ZNF516: variants seen among roughly 807,000 people sequenced by gnomAD.
The protein encoded by ZNF516 is zinc finger protein 516.
ZNF516 carries 19 observed loss-of-function variants against 79.7 expected under a neutral mutation model. The ratio of observed to expected loss-of-function variants is 0.24; its 90% CI spans 0.17 to 0.35. ZNF516 has a LOEUF of 0.35. Among genes scored for constraint, ZNF516 ranks in the 10% least tolerant of loss-of-function variants. The probability of loss-of-function intolerance (pLI) is 1.00; values close to 1 mark genes in which losing one functional copy is unlikely to be tolerated. For missense variants in ZNF516, 1,678 were observed against 1,679.5 expected (o/e 1.00, Z 0.02); for synonymous variants, 877 against 739.5 (o/e 1.19, Z -3.02).
intron 2 of ZNF516, among the ~76,000 whole-genome samples, chr18:76,452,054 C>A (rs192946161): frequency 6.6e-6 from 1 of 152,274 alleles, no homozygotes; most frequent in Admixed American, 6.5e-5. Flanking sequence ...CATTTCCACT[C>A]TAAGAAGAAG....
rs563651515 is a variant in ZNF516, at chr18:76,467,043, C to A, written c.-271-3902G>T. On this transcript the variant is annotated intron_variant, in intron 1 of 6. Coordinates refer to ENST00000443185, the MANE Select transcript of ZNF516 (RefSeq NM_014643.4). The surrounding 1 kb of genome is among the most constrained non-coding windows in gnomAD (Gnocchi z 4.2). ...GAGGCAAAACCCAGGAGACGCTGGCCTCTGGGAAGTAAAATCAGGCAGAGG... is the reference window on the plus strand; with the variant it reads ...GAGGCAAAACCCAGGAGACGCTGGCATCTGGGAAGTAAAATCAGGCAGAGG... 1.9e-4 allele frequency among the ~76,000 whole-genome samples: 29 copies of A among 152,258 alleles called. No individual in the cohort carries two copies. Among genetic ancestry groups the A allele is most frequent in the African/African-American group, 6.5e-4 (27 of 41,554 alleles).
intron 3 of ZNF516, 137 bp downstream of exon 3, chr18:76,441,108 G>T: frequency 7.7e-7 from 1 of 1,294,148 alleles, no homozygotes; most frequent in Non-Finnish European, 1.0e-6. Context: ...GGTTACCTGA[G>T]CATAGGCCTA....
rs1425951944 is a variant in ZNF516 at position 76,357,968 on chromosome 18, T to C, written c.*4530A>G. On this transcript the variant is annotated 3_prime_UTR_variant, in exon 7 of 7. Coordinates refer to ENST00000443185, the MANE Select transcript of ZNF516 (RefSeq NM_014643.4). The stretch of plus-strand genomic sequence containing the variant: ...ACAGCGTCTCCATTAAAAAACTGTA[T>C]GTCCTCGAGTCCACAAAAGAGTTGG... 6.6e-6 allele frequency among the ~76,000 whole-genome samples: 1 copy of C among 152,198 alleles called. No homozygotes were observed. The highest frequency in any genetic ancestry group is 6.5e-5 in the Admixed American group (1 of 15,278).
In ZNF516 at chr18:76,441,557, G is replaced by A. The variant is rs900735497; in HGVS notation, c.1498C>T (p.Arg500Cys). ...GTGGCTGCGGCCCTGCGGTTGGGGC[G>A]CGCGGCCGAGCGGGGATCGAGGTGG... The part of the protein sequence containing the change: ...AGHLDPRSAA[R>C]PNRRAAATTG... The change falls in exon 3 of 7, where the codon CGC becomes TGC. Residue 500 changes from arginine (R) to cysteine (C), a missense_variant. Around this residue, in one of 5 missense-constraint regions of ZNF516, gnomAD observed 1,294 missense variants for 1,248.3 expected, o/e 1.04. Transcript: ENST00000443185. 1.3e-5 allele frequency: 20 copies of A among 1,517,648 alleles called. No individual in the cohort carries two copies. The highest frequency in any genetic ancestry group is 2.2e-5 in the Admixed American group (1 of 45,920). The allele number at this position is 1,517,648 out of a possible 1,614,324, so 94.0% of individuals were successfully genotyped here.
chr18:76,405,531 G>A (rs2145255183), intron 3 of ZNF516, among the ~76,000 whole-genome samples: 2 of 152,208 alleles, frequency 1.3e-5, no homozygotes, highest in South Asian at 4.1e-4. Flanking sequence ...GGGCGGCGTG[G>A]AGCTTGAAGG....
chr18:76,478,435 A>G (rs908890084), intron 1 of ZNF516, among the ~76,000 whole-genome samples: 2 of 151,984 alleles, frequency 1.3e-5, no homozygotes, highest in Non-Finnish European at 2.9e-5. Context: ...GCAAATTATG[A>G]AAAAAAAGGT....
intron 2 of ZNF516, among the ~76,000 whole-genome samples, chr18:76,450,337 C>G (rs1912326458): frequency 6.6e-6 from 1 of 150,470 alleles, no homozygotes; most frequent in Non-Finnish European, 1.5e-5. Context: ...CTATCTGCCC[C>G]TCCCCCTCCC....
intron 6 of ZNF516, among the ~76,000 whole-genome samples, chr18:76,366,039 T>C (rs779014865): frequency 2.0e-4 from 31 of 152,202 alleles, no homozygotes; most frequent in Non-Finnish European, 3.5e-4. Context: ...AGTATGTGTA[T>C]ATAACATGGA....
At chr18:76,436,894 C>G (rs1187886446) in intron 3 of ZNF516, among the ~76,000 whole-genome samples, 2 of 151,974 alleles carry the variant, frequency 1.3e-5, no homozygotes, top group Non-Finnish European at 2.9e-5. Flanking sequence ...ATGGCAAAAC[C>G]CCATGTCTAC....
chr18:76,368,000 T>C (rs1338723958), intron 6 of ZNF516, among the ~76,000 whole-genome samples: 2 of 152,180 alleles, frequency 1.3e-5, no homozygotes, highest in Non-Finnish European at 2.9e-5. Context: ...CCCTAGCATC[T>C]AAAGCCCACA....
intron 1 of ZNF516, 41 bp downstream of exon 1, chr18:76,495,102 CG>C (rs1389059399): frequency 1.3e-5 from 2 of 149,784 alleles, no homozygotes; most frequent in Non-Finnish European, 3.0e-5. Flanking sequence ...CGCCCGCCCG[CG>C]GCCCCTGCGG....
intron 1 of ZNF516, among the ~76,000 whole-genome samples, chr18:76,480,546 G>A (rs1052499733): frequency 1.2e-4 from 14 of 112,394 alleles, no homozygotes; most frequent in African/African-American, 3.8e-4. Context: ...TTTTTGAGAC[G>A]GAGTCTTGCT....
At chr18:76,428,347 C>G (rs772777914) in intron 3 of ZNF516, among the ~76,000 whole-genome samples, 8 of 148,690 alleles carry the variant, frequency 5.4e-5, no homozygotes, top group Non-Finnish European at 1.2e-4. Flanking sequence ...GAGCCGAGAT[C>G]GCACCACTGT....
Position 76,379,195 on chromosome 18 carries a change from G to A in ZNF516, c.2919C>T (p.Ser973=). 6.2e-7 allele frequency: 1 copy of A among 1,612,886 alleles called. No individual in the cohort carries two copies. ...GCTGAGCACTGAATTTGGCTTTCAG[G>A]GAGTCCGGGGCACTGTGCTTATTTG... ...APTNKHSAPD[S]LKAKFSAQPQ... Residue 973 remains serine (S), a synonymous_variant, in exon 4 of 7, where the codon TCC becomes TCT. Coordinates refer to ENST00000443185, the MANE Select transcript of ZNF516 (RefSeq NM_014643.4).
Position 76,362,242 on chromosome 18 carries a change from CG to C in ZNF516, c.*255del, listed in dbSNP as rs2074550080. ...AATATGGGACTATGGACGATGAGCACGTAAATGCGTATATAGTATCTACATG... is the reference window on the plus strand; with the variant it reads ...AATATGGGACTATGGACGATGAGCACTAAATGCGTATATAGTATCTACATG... On this transcript the variant is annotated 3_prime_UTR_variant, in exon 7 of 7. Coordinates refer to ENST00000443185, the MANE Select transcript of ZNF516 (RefSeq NM_014643.4). 1 of 431,356 alleles carries C rather than the reference CG, an allele frequency of 2.3e-6. No individual in the cohort carries two copies. The highest frequency in any genetic ancestry group is 4.2e-6 in the Non-Finnish European group (1 of 237,976). 26.7% of individuals were successfully genotyped at this position (431,356 alleles called of 1,614,324 possible). A position where few individuals can be genotyped will look rare whatever the true frequency, so the allele number is the denominator to read the frequency against.
chr18:76,425,709 T>G (rs916586597), intron 3 of ZNF516, among the ~76,000 whole-genome samples: 8 of 152,228 alleles, frequency 5.3e-5, no homozygotes, highest in Admixed American at 3.3e-4. Context: ...TGTCAACACC[T>G]GAACTCTTAC....
intron 1 of ZNF516, among the ~76,000 whole-genome samples, chr18:76,487,036 A>C (rs1417242879): frequency 6.6e-6 from 1 of 152,136 alleles, no homozygotes; most frequent in Non-Finnish European, 1.5e-5. Flanking sequence ...ACATATATTT[A>C]CATGTTTGCT....
intron 3 of ZNF516, among the ~76,000 whole-genome samples, chr18:76,436,153 C>G (rs551366986): frequency 1.3e-5 from 2 of 152,244 alleles, no homozygotes; most frequent in Non-Finnish European, 2.9e-5. Flanking sequence ...CTAAGGGGGG[C>G]TGGCCTTCTG....
intron 1 of ZNF516, among the ~76,000 whole-genome samples, chr18:76,473,718 G>A (rs1160865696): frequency 5.9e-5 from 9 of 151,724 alleles, no homozygotes; most frequent in South Asian, 2.1e-4. Flanking sequence ...AGAGGACGGC[G>A]TGAACCCAGG....
Sources: allele counts gnomAD v4.1 joint callset (sites outside exome capture counted in the v4.1 genomes callset), GRCh38; gene constraint gnomAD v4.1.1; regional missense constraint gnomAD v4.1.1; non-coding constraint Gnocchi (gnomAD v3.1); transcripts MANE v1.5; gene names NCBI Gene and HGNC (gene_info 2026-07-23, HGNC 2026-07-21).